Variants in TAF9B observed in about 807,000 individuals in gnomAD.
The protein encoded by TAF9B is TATA-box binding protein associated factor 9b.
A neutral mutation model predicts 17.6 loss-of-function variants in TAF9B; 47 were observed. That is an observed-to-expected ratio of 2.68 (90% CI 2.12 to 3.41). The LOEUF is 3.41. Ranked by LOEUF, TAF9B falls within the 30% of genes most tolerant of loss-of-function variation. The pLI is 0.00. For synonymous variants in TAF9B, 84 were observed against 68.7 expected (o/e 1.22, Z -1.10); for missense variants, 218 against 189.3 (o/e 1.15, Z -0.89).
chrX:78,133,608 A>G (rs1603399681), intron 5 of TAF9B, among the ~76,000 whole-genome samples, 160 bp from the exon 6 acceptor site: 1 of 111,937 alleles, frequency 8.9e-6, no homozygotes, highest in East Asian at 2.8e-4. Flanking sequence ...AAAAATTTAC[A>G]AGCTTGTTTA....
chrX:78,137,755 A>T lies in TAF9B; in HGVS notation c.399T>A (p.Ile133=). The T allele has an allele frequency of 8.4e-7, 1 of 1,184,701 alleles. No homozygotes were observed. Residue 133 remains isoleucine, a synonymous_variant, in exon 4 of 7, where the codon ATT becomes ATA. Coordinates refer to ENST00000341864, the MANE Select transcript of TAF9B (RefSeq NM_015975.5). ...GTTGACTAAAATTTCTTACCTTTTT[A>T]ATTAAGGACTTCAGCCTATAGTTTG... ...TAPNYRLKSL[I]KKGPNQGRLV... is the part of the protein sequence containing the mutation.
At chrX:78,136,439 AAAAC>A (rs782135425) in intron 5 of TAF9B, among the ~76,000 whole-genome samples, 9 of 112,551 alleles carry the variant, frequency 8.0e-5, no homozygotes, top group Non-Finnish European at 1.1e-4. Flanking sequence ...TGACCAATCT[AAAAC>A]AATCAGTACT....
intron 5 of TAF9B, among the ~76,000 whole-genome samples, chrX:78,134,235 C>T (rs2078425863): frequency 1.8e-5 from 2 of 111,472 alleles, no homozygotes; most frequent in Non-Finnish European, 3.8e-5. Flanking sequence ...TTATATCCTG[C>T]CTCTGAAGTT....
In TAF9B at chrX:78,131,624, TGTC is replaced by T. The variant is rs781789319; in HGVS notation, c.739_741del (p.Asp247del). The T allele has an allele frequency of 2.6e-5, 31 of 1,209,151 alleles. No homozygotes were observed. The highest frequency in any genetic ancestry group is 2.0e-4 in the Admixed American group (9 of 45,703). ...GACTATATTCCTTACATAATATCATTGTCATCATCATCTTCATGTTTTCTCTTC... is the reference window on the plus strand; with the variant it reads ...GACTATATTCCTTACATAATATCATTATCATCATCTTCATGTTTTCTCTTC... On this transcript the variant is annotated inframe_deletion, in exon 7 of 7. Coordinates refer to ENST00000341864, the MANE Select transcript of TAF9B (RefSeq NM_015975.5).
intron 2 of TAF9B, 87 bp downstream of exon 2, chrX:78,138,756 A>C: frequency 1.3e-6 from 1 of 799,686 alleles, no homozygotes; most frequent in African/African-American, 2.2e-5. Context: ...CTGTCTCAAA[A>C]AAGAAAATAA....
Position 78,130,105 on chromosome X carries a change from C to G in TAF9B, c.*1505G>C, listed in dbSNP as rs1449553058. 7.1e-5 allele frequency: 8 copies of G among 112,164 alleles called. No homozygotes were observed. The highest frequency in any genetic ancestry group is 9.5e-5 in the Admixed American group (1 of 10,511). The allele number at this position is 112,164 out of a possible 1,213,427, so 9.2% of individuals were successfully genotyped here. On this transcript the variant is annotated 3_prime_UTR_variant, in exon 7 of 7. Transcript: ENST00000341864. ...TTTTACCTGTTTTTATATTACCTTT[C>G]CCTAATACTGAAAAACACTAAAACT...
rs201161054 is a variant in TAF9B at position 78,131,195 on chromosome X, ATT to A, written c.*413_*414del. 0.25 allele frequency: 27,025 copies of A among 108,345 alleles called. 3,005 individuals carry two copies. Among genetic ancestry groups the A allele is most frequent in the East Asian group, 0.35 (1,186 of 3,386 alleles). The allele number at this position is 108,345 out of a possible 1,213,427, so 8.9% of individuals were successfully genotyped here. On this transcript the variant is annotated 3_prime_UTR_variant, in exon 7 of 7. Coordinates refer to ENST00000341864, the MANE Select transcript of TAF9B (RefSeq NM_015975.5). ...TGAGAGATTTGGTAAAAAAAAAAAA[ATT>A]AGCTAGTGACAGTAAGTAACTATAT...
rs1267839738 is a variant in TAF9B, at chrX:78,130,448, AC to A, written c.*1161del. On this transcript the variant is annotated 3_prime_UTR_variant, in exon 7 of 7. Coordinates refer to ENST00000341864, the MANE Select transcript of TAF9B (RefSeq NM_015975.5). ...TGCAGAGTGCACATAAATGCAAGTT[AC>A]ATCACATTAATTTGTTTTCTTTGTT... 2 of 112,516 alleles carry A rather than the reference AC, an allele frequency of 1.8e-5. No homozygotes were observed. Among genetic ancestry groups the A allele is most frequent in the Non-Finnish European group, 3.8e-5 (2 of 53,312 alleles). The allele number at this position is 112,516 out of a possible 1,213,427, so 9.3% of individuals were successfully genotyped here.
Position 78,136,990 on chromosome X carries a change from C to T in TAF9B, c.406G>A (p.Gly136Arg). The T allele has an allele frequency of 8.4e-7, 1 of 1,183,721 alleles. No individual in the cohort carries two copies. The highest frequency in any genetic ancestry group is 1.1e-6 in the Non-Finnish European group (1 of 874,664). ...GGAACTAGTCTCCCTTGGTTAGGTC[C>T]CTAGGGGATTTAAAAAACAAATTAA... Reference protein sequence around the residue: ...NYRLKSLIKKGPNQGRLVPRL... With the variant: ...NYRLKSLIKKRPNQGRLVPRL... The change falls in exon 5 of 7, where the codon GGA (glycine) becomes AGA (arginine). Residue 136 changes from glycine (G) to arginine (R), a missense_variant and splice_region_variant. Gly to Arg is a moderately radical substitution (Grantham distance 125). Transcript: ENST00000341864.
rs782157642 is a variant in TAF9B, at chrX:78,139,635, C to T, written c.-24G>A. Reference sequence around the variant, plus strand: ...ATGTTATCCAGCCACTCGTCATCCGCGGAGACAGAGGAGAGAGGAGAGCTC... The same window carrying T: ...ATGTTATCCAGCCACTCGTCATCCGTGGAGACAGAGGAGAGAGGAGAGCTC... On this transcript the variant is annotated 5_prime_UTR_variant, in exon 1 of 7. Transcript: ENST00000341864. 1 of 1,211,055 alleles carries T rather than the reference C, an allele frequency of 8.3e-7. No homozygotes were observed. The highest frequency in any genetic ancestry group is 3.0e-5 in the East Asian group (1 of 33,744).
intron 4 of TAF9B, 137 bp downstream of exon 4, chrX:78,137,612 T>C: frequency 1.7e-6 from 1 of 577,298 alleles, no homozygotes; most frequent in Non-Finnish European, 2.5e-6. Flanking sequence ...AGCTCGAAAA[T>C]TTTTTAAAAT....
chrX:78,137,175 C>T (rs1284532508), intron 4 of TAF9B, among the ~76,000 whole-genome samples, 185 bp from the exon 5 acceptor site: 2 of 112,005 alleles, frequency 1.8e-5, no homozygotes, highest in African/African-American at 6.5e-5. Flanking sequence ...ACATCTCTAT[C>T]TATATAAAAA....
intron 5 of TAF9B, among the ~76,000 whole-genome samples, chrX:78,136,592 T>C (rs1557250072): frequency 8.9e-6 from 1 of 112,405 alleles, no homozygotes; most frequent in African/African-American, 3.2e-5. Flanking sequence ...TCTACTGCCA[T>C]AAGTGTGTGT....
chrX:78,134,905 C>T (rs1253099313), intron 5 of TAF9B, among the ~76,000 whole-genome samples: 2 of 110,066 alleles, frequency 1.8e-5, no homozygotes, highest in Non-Finnish European at 3.8e-5. Flanking sequence ...GAGCTTCCCC[C>T]AATTGAACAG....
intron 5 of TAF9B, among the ~76,000 whole-genome samples, chrX:78,135,162 A>G (rs1317936333): frequency 9.6e-6 from 1 of 104,581 alleles, no homozygotes; most frequent in African/African-American, 3.5e-5. Flanking sequence ...CATGTTGGCC[A>G]GGCTGCTCTT....
In TAF9B at chrX:78,138,058, C is replaced by G. The variant is rs782201154; in HGVS notation, c.174G>C (p.Ser58=). Residue 58 remains serine (S), a synonymous_variant, in exon 3 of 7, where the codon TCG becomes TCC. Coordinates refer to ENST00000341864, the MANE Select transcript of TAF9B (RefSeq NM_015975.5). ...CAACATTAGGTTTCTTAGCATGGCT[C>G]GAATAAATTTTTGCATCATCCAGAA... ...TTILDDAKIY[S]SHAKKPNVDA... 5 of 1,206,858 alleles carry G rather than the reference C, an allele frequency of 4.1e-6. No individual in the cohort carries two copies. The East Asian group carries it at 1.5e-4, about 36-fold the overall frequency.
At position 78,129,888 on chromosome X, in the gene TAF9B, C is replaced by T. The variant is rs782256844; in HGVS notation, c.*1722G>A. 8.9e-6 allele frequency: 1 copy of T among 112,273 alleles called. No individual in the cohort carries two copies. The highest frequency in any genetic ancestry group is 3.7e-4 in the South Asian group (1 of 2,692). The allele number at this position is 112,273 out of a possible 1,213,427, so 9.3% of individuals were successfully genotyped here. On this transcript the variant is annotated 3_prime_UTR_variant, in exon 7 of 7. Transcript: ENST00000341864. ...TGTGAGGTAGGCAGGGTAGGTGTTA[C>T]TTTCCTACTGCTAGTGAGGAGAACA...
Position 78,130,741 on chromosome X carries a change from C to T in TAF9B, c.*869G>A, listed in dbSNP as rs2078406601. 1.8e-5 allele frequency: 2 copies of T among 112,416 alleles called. No individual in the cohort carries two copies. The highest frequency in any genetic ancestry group is 6.5e-5 in the African/African-American group (2 of 30,838). The allele number at this position is 112,416 out of a possible 1,213,427, so 9.3% of individuals were successfully genotyped here. A position where few individuals can be genotyped will look rare whatever the true frequency, so the allele number is the denominator to read the frequency against. On this transcript the variant is annotated 3_prime_UTR_variant, in exon 7 of 7. Coordinates refer to ENST00000341864, the MANE Select transcript of TAF9B (RefSeq NM_015975.5). ...ATGTGAAACATGGAAGAGTTATCAA[C>T]TTGGAATACAATACTAAAACTGAAT...
chrX:78,131,577 CT>C lies in TAF9B; in HGVS notation c.*32del. 8.5e-7 allele frequency: 1 copy of C among 1,171,332 alleles called. No homozygotes were observed. Among genetic ancestry groups the C allele is most frequent in the Non-Finnish European group, 1.2e-6 (1 of 868,459 alleles). Reference sequence around the variant, plus strand: ...TATACTGGGCTCAAAACCAACTTTCCTTTTGAAATGCATCTAGACTAGACTA... The same window carrying C: ...TATACTGGGCTCAAAACCAACTTTCCTTTGAAATGCATCTAGACTAGACTA... On this transcript the variant is annotated 3_prime_UTR_variant, in exon 7 of 7. Transcript: ENST00000341864.
Sources: allele counts gnomAD v4.1 joint callset (sites outside exome capture counted in the v4.1 genomes callset), GRCh38; gene constraint gnomAD v4.1.1; transcripts MANE v1.5; gene names NCBI Gene and HGNC (gene_info 2026-07-23, HGNC 2026-07-21).